The following SIL1 variants were observed in gnomAD, a reference collection of about 807,000 sequenced individuals.
SIL1 encodes the protein nucleotide exchange factor SIL1.
A neutral mutation model predicts 49.1 loss-of-function variants in SIL1; 40 were observed. The ratio of observed to expected loss-of-function variants is 0.81; its 90% CI spans 0.63 to 1.06. The LOEUF (loss-of-function observed/expected upper bound fraction) is 1.06, where lower values mean the gene tolerates loss of function less well. Ranked by LOEUF, SIL1 falls within the 50% of genes least tolerant of loss-of-function variation. The pLI is 0.00. For synonymous variants in SIL1, 253 were observed against 250.8 expected, an observed-to-expected ratio of 1.01 and a Z score of -0.08; for missense variants, 500 against 572.6, an observed-to-expected ratio of 0.87 and a Z score of 1.29.
intron 3 of SIL1, among the ~76,000 whole-genome samples, chr5:139,115,825 T>C (rs909361094): frequency 3.3e-5 from 5 of 152,168 alleles, no homozygotes; most frequent in African/African-American, 4.8e-5. Context: ...GAGAAGGAGA[T>C]TGTGAGAATC....
chr5:138,956,306 T>C (rs1766900267), intron 7 of SIL1, among the ~76,000 whole-genome samples: 1 of 152,224 alleles, frequency 6.6e-6, no homozygotes, highest in Non-Finnish European at 1.5e-5. Flanking sequence ...GGCCCCACCT[T>C]GCTTATGCCT....
intron 1 of SIL1, among the ~76,000 whole-genome samples, chr5:139,130,943 G>C (rs1235960301): frequency 1.3e-5 from 2 of 152,130 alleles, no homozygotes; most frequent in Non-Finnish European, 2.9e-5. Context: ...ATAGAAAGTA[G>C]AAAAGCAGTT....
chr5:138,985,509 A>G (rs996153563), intron 7 of SIL1, among the ~76,000 whole-genome samples: 1 of 152,206 alleles, frequency 6.6e-6, no homozygotes, highest in Non-Finnish European at 1.5e-5. Context: ...TATCACGTGA[A>G]GCTTCTATGG....
At chr5:139,197,864 G>A (rs1370922118) in intron 1 of SIL1, among the ~76,000 whole-genome samples, 1 of 152,156 alleles carries the variant, frequency 6.6e-6, no homozygotes, top group Non-Finnish European at 1.5e-5. Flanking sequence ...CAAGCAATAA[G>A]AGAGTGACAA....
intron 1 of SIL1, among the ~76,000 whole-genome samples, chr5:139,175,264 G>A (rs1751857050): frequency 6.6e-6 from 1 of 152,094 alleles, no homozygotes; most frequent in African/African-American, 2.4e-5. Context: ...GGAGGTTGCA[G>A]TGAGCAAGAT....
intron 7 of SIL1, among the ~76,000 whole-genome samples, chr5:138,962,181 G>A (rs1240904384): frequency 6.6e-6 from 1 of 151,930 alleles, no homozygotes; most frequent in Non-Finnish European, 1.5e-5. Flanking sequence ...TTCTGTGCCA[G>A]TTTTATAATT....
At chr5:139,026,777 CT>C in intron 6 of SIL1, 23 bp downstream of exon 6, 1 of 1,612,078 alleles carries the variant, frequency 6.2e-7, no homozygotes, top group South Asian at 1.1e-5. Context: ...AAAAGTCTGA[CT>C]TATGGACGAA....
intron 3 of SIL1, among the ~76,000 whole-genome samples, chr5:139,099,258 T>C (rs1770534991): frequency 6.6e-6 from 1 of 152,122 alleles, no homozygotes; most frequent in South Asian, 2.1e-4. Flanking sequence ...AAATGGCTTA[T>C]ATCCAAAAAA....
At chr5:139,149,073 C>T (rs979128179) in intron 1 of SIL1, among the ~76,000 whole-genome samples, 6 of 151,784 alleles carry the variant, frequency 4.0e-5, no homozygotes, top group African/African-American at 1.5e-4. Context: ...ACCCTGGCTT[C>T]GGAGAAGCCA....
At chr5:139,165,625 C>T (rs1160191248) in intron 1 of SIL1, among the ~76,000 whole-genome samples, 7 of 151,980 alleles carry the variant, frequency 4.6e-5, no homozygotes, top group Non-Finnish European at 7.4e-5. Flanking sequence ...GCTGGGATTA[C>T]AGGCCAAACC....
intron 2 of SIL1, 85 bp from the exon 3 acceptor site, chr5:139,121,258 T>C: frequency 1.3e-6 from 2 of 1,568,450 alleles, no homozygotes; most frequent in South Asian, 2.2e-5. Context: ...GGCACGTTCT[T>C]TTCCTCCATG....
intron 2 of SIL1, among the ~76,000 whole-genome samples, chr5:139,122,689 G>T (rs1212360366): frequency 1.3e-5 from 2 of 152,040 alleles, no homozygotes; most frequent in African/African-American, 4.8e-5. Context: ...AAGTTAAAAT[G>T]TTAAGGTGCT....
chr5:139,051,291 T>A, intron 3 of SIL1: 1 of 539,980 alleles, frequency 1.9e-6, no homozygotes, highest in South Asian at 2.0e-5. Flanking sequence ...CACACTTGAA[T>A]CTAGAGACCA....
At position 138,951,779 on chromosome 5, in the gene SIL1, G is replaced by A. The variant is rs776065054; in HGVS notation, c.864+9C>T. ...GAGGCTGGGCAGGAGGAAGGGCATG[G>A]AAACACACCTTCTTCTTTGCAGTGA... On this transcript the variant is annotated intron_variant, in intron 8 of 9. Coordinates refer to ENST00000394817, the MANE Select transcript of SIL1 (RefSeq NM_022464.5). 2 of 1,613,438 alleles carry A rather than the reference G, an allele frequency of 1.2e-6. No individual in the cohort carries two copies. The highest frequency in any genetic ancestry group is 1.1e-5 in the South Asian group (1 of 91,078).
rs965640464 is a variant in SIL1, at chr5:139,037,376, T to G, written c.453+5244A>C. ...GATTCACTTTATGAATCTGTGAGTT[T>G]ATGCCTTTCACCACATTTGGGAATT... On this transcript the variant is annotated intron_variant, in intron 5 of 9. Transcript: ENST00000394817. Among the ~76,000 whole-genome samples, 14 of 152,234 alleles carry G rather than the reference T, an allele frequency of 9.2e-5. No homozygotes were observed. In the East Asian group the frequency reaches 2.7e-3, roughly 29 times the overall value.
intron 1 of SIL1, among the ~76,000 whole-genome samples, chr5:139,187,168 G>A (rs1319843336): frequency 6.6e-6 from 1 of 152,162 alleles, no homozygotes; most frequent in African/African-American, 2.4e-5. Flanking sequence ...TTGCAATGGG[G>A]ATACAGATGA....
At chr5:139,171,821 T>C (rs1751778439) in intron 1 of SIL1, among the ~76,000 whole-genome samples, 1 of 151,890 alleles carries the variant, frequency 6.6e-6, no homozygotes, top group South Asian at 2.1e-4. Flanking sequence ...GCAACAGCCT[T>C]AAAGTTGCTT....
chr5:138,981,950 C>T (rs889051449), intron 7 of SIL1, among the ~76,000 whole-genome samples: 31 of 152,074 alleles, frequency 2.0e-4, no homozygotes, highest in Admixed American at 1.5e-3. Context: ...TCTAGCTGGG[C>T]GACACTAGGC....
intron 4 of SIL1, among the ~76,000 whole-genome samples, chr5:139,046,677 G>A (rs1157256173): frequency 6.6e-6 from 1 of 152,100 alleles, no homozygotes; most frequent in South Asian, 2.1e-4. Context: ...ATTGAAATAA[G>A]GACTAGTGGT....
Sources: allele counts gnomAD v4.1 joint callset (sites outside exome capture counted in the v4.1 genomes callset), GRCh38; gene constraint gnomAD v4.1.1; transcripts MANE v1.5; gene names NCBI Gene and HGNC (gene_info 2026-07-23, HGNC 2026-07-21).